The following CPSF4 variants were observed in gnomAD, a reference collection of about 807,000 sequenced individuals.
CPSF4 encodes the protein cleavage and polyadenylation specificity factor subunit 4.
Under a neutral mutation model 37.7 loss-of-function variants are expected in CPSF4, and 11 were observed. The ratio of observed to expected loss-of-function variants is 0.29; its 90% CI spans 0.18 to 0.48. CPSF4 has a LOEUF of 0.48. Ranked by LOEUF, CPSF4 falls within the 20% of genes least tolerant of loss-of-function variation. CPSF4 has a pLI of 0.99. For missense variants in CPSF4, 144 were observed against 359.5 expected (o/e 0.40, Z 4.85); for synonymous variants, 132 against 135.9 (o/e 0.97, Z 0.20).
chr7:99,456,388 T>G, intron 7 of CPSF4, 44 bp from the exon 8 acceptor site: 2 of 1,578,562 alleles, frequency 1.3e-6, no homozygotes, highest in Non-Finnish European at 1.7e-6. Context: ...TTGAACAGTG[T>G]TGTTGTCTGT....
At chr7:99,442,643 G>A (rs1405383197) in intron 1 of CPSF4, among the ~76,000 whole-genome samples, 2 of 114,082 alleles carry the variant, frequency 1.8e-5, no homozygotes, top group African/African-American at 7.7e-5. Context: ...GGGCAACAGC[G>A]AGACTCCGTC....
At chr7:99,442,655 C>CAAAAAAAAAAAAA (rs751146641) in intron 1 of CPSF4, among the ~76,000 whole-genome samples, 4 of 52,486 alleles carry the variant, frequency 7.6e-5, no homozygotes, top group Admixed American at 2.1e-4. Context: ...GACTCCGTCT[C>CAAAAAAAAAAAAA]AAAAAAAAAA....
chr7:99,456,458 C>T lies in CPSF4; in HGVS notation c.768C>T (p.Asn256=). ...YKCGEKGHYA[N]RCTKGHLAFL... The stretch of plus-strand genomic sequence containing the variant: ...GTGGCGAGAAAGGACACTACGCCAA[C>T]AGATGCACCAAAGGGCACTTGGCCT... The change falls in exon 8 of 8, where the codon AAC becomes AAT. Residue 256 remains asparagine, a synonymous_variant. Transcript: ENST00000292476. 1 of 1,614,208 alleles carries T rather than the reference C, an allele frequency of 6.2e-7. No homozygotes were observed. The highest frequency in any genetic ancestry group is 1.7e-5 in the Admixed American group (1 of 60,022).
chr7:99,445,336 C>G (rs1187476317), intron 2 of CPSF4, among the ~76,000 whole-genome samples: 1 of 152,136 alleles, frequency 6.6e-6, no homozygotes, highest in Non-Finnish European at 1.5e-5. Context: ...ATCCCTTGAA[C>G]CAGGGAGTCA....
In CPSF4 at chr7:99,448,123, G is replaced by A; in HGVS notation, c.157G>A (p.Gly53Ser). Residue 53 changes from glycine to serine, a missense_variant and splice_region_variant, in exon 3 of 8, where the codon GGC (glycine) becomes AGC (serine). Physicochemically the swap from Gly to Ser is moderately conservative, Grantham distance 56. Around this residue, in one of 4 missense-constraint regions of CPSF4, gnomAD observed 42 missense variants for 86.4 expected, o/e 0.49. Coordinates refer to ENST00000292476, the MANE Select transcript of CPSF4 (RefSeq NM_006693.4). This position sits in a 1 kb window ranked among gnomAD's most constrained non-coding sequence, Gnocchi z 4.4. ...CCCTGTCCCTATCTTGCCGGCAGGG[G>A]GCATGTGTCCGTTTCGCCACATCAG... is the stretch of plus-strand genomic sequence containing the variant. ...FFLKAACGKG[G>S]MCPFRHISGE... is the part of the protein sequence containing the mutation. 6.2e-7 allele frequency: 1 copy of A among 1,613,886 alleles called. No individual in the cohort carries two copies. Among genetic ancestry groups the A allele is most frequent in the Non-Finnish European group, 8.5e-7 (1 of 1,179,922 alleles).
chr7:99,445,838 C>T (rs1246327193), intron 2 of CPSF4, among the ~76,000 whole-genome samples: 3 of 151,940 alleles, frequency 2.0e-5, no homozygotes, highest in Non-Finnish European at 4.4e-5. Context: ...GAGCCAAGAT[C>T]GCACCACTGC....
At chr7:99,443,217 TGTGGTATTTCAG>T (rs1720915717) in intron 1 of CPSF4, 1 of 778,254 alleles carries the variant, frequency 1.3e-6, no homozygotes, top group African/African-American at 1.7e-5. Flanking sequence ...TCTCTCAGCC[TGTGGTATTTCAG>T]ATGTAATTTT....
chr7:99,444,729 G>A, intron 1 of CPSF4, 60 bp from the exon 2 acceptor site: 2 of 1,518,072 alleles, frequency 1.3e-6, no homozygotes, highest in Non-Finnish European at 1.8e-6. Flanking sequence ...ACTGTCTTCA[G>A]ACATTGTCAA....
chr7:99,456,414 A>T lies in CPSF4; in HGVS notation c.742-18A>T. On this transcript the variant is annotated intron_variant, in intron 7 of 7. Coordinates refer to ENST00000292476, the MANE Select transcript of CPSF4 (RefSeq NM_006693.4). ...TGTTGTCTGTCTCTCCTCTTCCCCC[A>T]CTTCCTGCTGTTCCCAGTGTGGCGA... The T allele has an allele frequency of 6.2e-7, 1 of 1,613,066 alleles. No individual in the cohort carries two copies. Among genetic ancestry groups the T allele is most frequent in the South Asian group, 1.1e-5 (1 of 91,040 alleles).
rs1028874925 is a variant in CPSF4 at position 99,456,973 on chromosome 7, T to C, written c.*473T>C. ...GCTGTGCCTATATCTGTGATTTGAATGAGGGAGCCCTTTGGGGCAAATTCA... is the reference window on the plus strand; with the variant it reads ...GCTGTGCCTATATCTGTGATTTGAACGAGGGAGCCCTTTGGGGCAAATTCA... On this transcript the variant is annotated 3_prime_UTR_variant, in exon 8 of 8. Transcript: ENST00000292476. The C allele has an allele frequency of 4.8e-5, 13 of 270,482 alleles. No homozygotes were observed. Among genetic ancestry groups the C allele is most frequent in the Non-Finnish European group, 8.9e-5 (12 of 135,196 alleles). The allele number at this position is 270,482 out of a possible 1,614,324, so 16.8% of individuals were successfully genotyped here. A position where few individuals can be genotyped will look rare whatever the true frequency, so the allele number is the denominator to read the frequency against.
chr7:99,450,892 G>A (rs957063283), intron 5 of CPSF4, 97 bp downstream of exon 5: 7 of 846,764 alleles, frequency 8.3e-6, no homozygotes, highest in Non-Finnish European at 1.4e-5. Flanking sequence ...TGGTCACTGG[G>A]TGATGTCAGT....
intron 2 of CPSF4, among the ~76,000 whole-genome samples, chr7:99,446,771 CTTTTTTTTTTTTTTT>C (rs762892785): frequency 1.1e-3 from 32 of 29,126 alleles, no homozygotes; most frequent in South Asian, 4.8e-3. Flanking sequence ...CCATACCCAG[CTTTTTTTTTTTTTTT>C]TTTTTTTTTT....
intron 3 of CPSF4, 132 bp from the exon 4 acceptor site, chr7:99,450,144 A>G (rs1797833534): frequency 1.4e-6 from 1 of 698,852 alleles, no homozygotes. Flanking sequence ...GCTGGGGCTC[A>G]GAAACACTCT....
At chr7:99,443,098 GATGACAGAC>G (rs1562855833) in intron 1 of CPSF4, 1 of 885,098 alleles carries the variant, frequency 1.1e-6, no homozygotes, top group Admixed American at 1.7e-5. Context: ...GGTGTGTTCA[GATGACAGAC>G]TTTTGTTGGA....
At chr7:99,450,201 T>C (rs2151004625) in intron 3 of CPSF4, 75 bp from the exon 4 acceptor site, 1 of 1,160,084 alleles carries the variant, frequency 8.6e-7, no homozygotes, top group Non-Finnish European at 1.3e-6. Context: ...CACCAGAACC[T>C]CTTTTCCTTG....
chr7:99,445,516 C>A (rs749339610), intron 2 of CPSF4, among the ~76,000 whole-genome samples: 2 of 152,194 alleles, frequency 1.3e-5, no homozygotes, highest in Non-Finnish European at 2.9e-5. Flanking sequence ...GCTCCACTGT[C>A]TTGGTCGCCA....
chr7:99,440,674 A>ATATATATGTTTTTTTTTTTTTT, intron 1 of CPSF4, among the ~76,000 whole-genome samples: 1 of 88,130 alleles, frequency 1.1e-5, no homozygotes, highest in African/African-American at 9.7e-5. Flanking sequence ...ATATATATAT[A>ATATATATGTTTTTTTTTTTTTT]TTTTTTTTTT....
At position 99,441,356 on chromosome 7, in the gene CPSF4, TGAGGGGAGGTACAGTGGC is replaced by T. The variant is rs1434295742; in HGVS notation, c.103+2178_103+2195del. The T allele has an allele frequency of 6.6e-6, 3 of 455,266 alleles. No individual in the cohort carries two copies. The East Asian group carries it at 2.1e-4, about 32-fold the overall frequency. 28.2% of individuals were successfully genotyped at this position (455,266 alleles called of 1,614,324 possible). ...GCCATCTGACACATCCACAAGCCTG[TGAGGGGAGGTACAGTGGC>T]GAGGGGCCCACATACCTGTTCCTGA... On this transcript the variant is annotated intron_variant, in intron 1 of 7. Transcript: ENST00000292476.
chr7:99,447,259 CT>C (rs886779022), intron 2 of CPSF4, among the ~76,000 whole-genome samples: 16 of 105,168 alleles, frequency 1.5e-4, no homozygotes, highest in African/African-American at 2.0e-4. Flanking sequence ...AAGTTCCTTT[CT>C]TTTTTTTTTT....
Sources: gnomAD v4.1 joint callset for allele counts (sites outside exome capture counted in the v4.1 genomes callset) on GRCh38, gnomAD v4.1.1 for gene constraint, gnomAD v4.1.1 regional missense constraint, Gnocchi (gnomAD v3.1) non-coding constraint, MANE v1.5 for transcripts, NCBI Gene and HGNC (gene_info 2026-07-23, HGNC 2026-07-21) for gene names.